PCLO: variants seen among roughly 807,000 people sequenced by gnomAD.
The protein encoded by PCLO is piccolo presynaptic cytomatrix protein.
Under a neutral mutation model 427.5 loss-of-function variants are expected in PCLO, and 82 were observed. That is an observed-to-expected ratio of 0.19 (90% CI 0.16 to 0.23). The LOEUF (loss-of-function observed/expected upper bound fraction) is 0.23. PCLO is among the 10% of genes least tolerant of loss of function. The probability of loss-of-function intolerance (pLI) is 1.00; values close to 1 mark genes in which losing one functional copy is unlikely to be tolerated. For missense variants in PCLO, 6,239 were observed against 6,115.9 expected, an observed-to-expected ratio of 1.02 and a Z score of -0.67; for synonymous variants, 2,357 against 2,155.4, an observed-to-expected ratio of 1.09 and a Z score of -2.59.
intron 3 of PCLO, among the ~76,000 whole-genome samples, chr7:83,050,227 A>AAAAAAAAAAAAAAAAAAAAAAC (rs71074611): frequency 3.5e-5 from 3 of 85,646 alleles, no homozygotes; most frequent in Non-Finnish European, 8.0e-5. Flanking sequence ...AAAAAAAAAA[A>AAAAAAAAAAAAAAAAAAAAAAC]AAAAAAAAAA....
intron 3 of PCLO, among the ~76,000 whole-genome samples, chr7:82,981,565 G>T (rs1224248500): frequency 6.6e-6 from 1 of 152,028 alleles, no homozygotes; most frequent in Non-Finnish European, 1.5e-5. Context: ...ATGGAACTGA[G>T]TACTCTAAAA....
At chr7:82,910,995 T>A (rs765360424) in intron 7 of PCLO, among the ~76,000 whole-genome samples, 1 of 152,138 alleles carries the variant, frequency 6.6e-6, no homozygotes, top group Non-Finnish European at 1.5e-5. Flanking sequence ...TAAATTAATA[T>A]CCTTTATGAT....
At chr7:82,896,050 C>T (rs1793896316) in intron 9 of PCLO, among the ~76,000 whole-genome samples, 1 of 151,760 alleles carries the variant, frequency 6.6e-6, no homozygotes, top group Non-Finnish European at 1.5e-5. Context: ...AATTACTTAA[C>T]AAAGCAAAGT....
At chr7:82,963,760 CAA>C (rs1258070648) in intron 4 of PCLO, among the ~76,000 whole-genome samples, 1 of 151,918 alleles carries the variant, frequency 6.6e-6, no homozygotes, top group Non-Finnish European at 1.5e-5. Context: ...AATATAATAA[CAA>C]TGGTAATTTT....
rs371323610 is a variant in PCLO, at chr7:83,107,435, A to G, written c.3300+26815T>C. On this transcript the variant is annotated intron_variant, in intron 3 of 24. Coordinates refer to ENST00000333891, the MANE Select transcript of PCLO (RefSeq NM_033026.6). ...AATAACATTTGCTTTCTTAGGCCTT[A>G]GCTGAGATTTAAATATGACTTAAGT... is the stretch of plus-strand genomic sequence containing the variant. Among the ~76,000 whole-genome samples, 6 of 152,220 alleles carry G rather than the reference A, an allele frequency of 3.9e-5. No individual in the cohort carries two copies. The East Asian group carries it at 7.7e-4, about 20-fold the overall frequency.
chr7:83,120,094 G>A (rs770177802), intron 3 of PCLO, among the ~76,000 whole-genome samples: 4 of 151,876 alleles, frequency 2.6e-5, no homozygotes, highest in Non-Finnish European at 5.9e-5. Context: ...GATAAGAGAC[G>A]ATCAGAATAG....
At chr7:82,799,676 G>A (rs918836400) in intron 22 of PCLO, among the ~76,000 whole-genome samples, 7 of 152,150 alleles carry the variant, frequency 4.6e-5, no homozygotes, top group Non-Finnish European at 1.0e-4. Context: ...CACTGGCAGA[G>A]ATTGGAGAAT....
At chr7:82,994,570 ATTATT>A (rs943400348) in intron 3 of PCLO, among the ~76,000 whole-genome samples, 24 of 151,146 alleles carry the variant, frequency 1.6e-4, no homozygotes, top group Non-Finnish European at 3.2e-4. Flanking sequence ...TGATCAGATA[ATTATT>A]TTATTTTTTA....
chr7:82,797,267 A>G (rs553161071), intron 22 of PCLO, among the ~76,000 whole-genome samples: 1 of 152,268 alleles, frequency 6.6e-6, no homozygotes, highest in African/African-American at 2.4e-5. Context: ...GAAAGTTGTG[A>G]TTGTAATACT....
chr7:83,114,881 G>GTT (rs1320603305), intron 3 of PCLO, among the ~76,000 whole-genome samples: 1 of 151,978 alleles, frequency 6.6e-6, no homozygotes, highest in Non-Finnish European at 1.5e-5. Context: ...TGGCTCAGCT[G>GTT]ACACTATTCA....
At chr7:83,032,500 T>G (rs576416998) in intron 3 of PCLO, among the ~76,000 whole-genome samples, 1 of 143,512 alleles carries the variant, frequency 7.0e-6, no homozygotes, top group East Asian at 2.4e-4. Flanking sequence ...CTTGCTTCAC[T>G]TCCTTCCTTC....
chr7:82,974,473 C>A (rs1295344431), intron 3 of PCLO, among the ~76,000 whole-genome samples: 1 of 152,132 alleles, frequency 6.6e-6, no homozygotes, highest in Admixed American at 6.5e-5. Flanking sequence ...TCACTGGTAA[C>A]CAATGATGCG....
At chr7:83,133,087 A>T (rs1261330720) in intron 3 of PCLO, among the ~76,000 whole-genome samples, 1 of 152,018 alleles carries the variant, frequency 6.6e-6, no homozygotes, top group East Asian at 1.9e-4. Flanking sequence ...TAGCAACAAC[A>T]TTTTCATACA....
At chr7:82,820,725 C>T (rs1475989626) in intron 20 of PCLO, 7 of 1,231,226 alleles carry the variant, frequency 5.7e-6, no homozygotes, top group Non-Finnish European at 7.1e-6. Flanking sequence ...GCAAAAAACA[C>T]TGATCCACAT....
At chr7:82,991,757 T>C (rs751805594) in intron 3 of PCLO, among the ~76,000 whole-genome samples, 2 of 152,164 alleles carry the variant, frequency 1.3e-5, no homozygotes, top group Non-Finnish European at 2.9e-5. Flanking sequence ...ATCATGTTGC[T>C]ATGGAACAAC....
At chr7:82,940,223 A>G (rs1211873145) in intron 6 of PCLO, among the ~76,000 whole-genome samples, 2 of 152,178 alleles carry the variant, frequency 1.3e-5, no homozygotes, top group Non-Finnish European at 1.5e-5. Context: ...CAAGTGACCT[A>G]TTGAAATGAC....
chr7:82,827,716 C>T (rs1160605742), intron 17 of PCLO, among the ~76,000 whole-genome samples, 157 bp downstream of exon 17: 1 of 152,014 alleles, frequency 6.6e-6, no homozygotes, highest in Non-Finnish European at 1.5e-5. Flanking sequence ...TTAAATGTCA[C>T]TCATTTTTTT....
Position 82,950,596 on chromosome 7 carries a change from G to A in PCLO, c.9992C>T (p.Thr3331Ile). ...DPSGTASPQT[T>I]TEQAILEGQY... ...ACCTTCCAAAATTGCCTGCTCTGTAGTGGTTTGTGGAGAAGCAGTTCCAGA... is the reference window on the plus strand; with the variant it reads ...ACCTTCCAAAATTGCCTGCTCTGTAATGGTTTGTGGAGAAGCAGTTCCAGA... Residue 3331 changes from threonine to isoleucine, a missense_variant, in exon 6 of 25, where the codon ACT becomes ATT. Physicochemically the swap from Thr to Ile is moderately conservative, Grantham distance 89 (BLOSUM62 -1). Transcript: ENST00000333891. 6.2e-7 allele frequency: 1 copy of A among 1,613,896 alleles called. No homozygotes were observed.
intron 3 of PCLO, among the ~76,000 whole-genome samples, chr7:83,000,268 TGAGAGAGAGAGAGA>T (rs145445022): frequency 6.7e-4 from 36 of 54,124 alleles, no homozygotes; most frequent in Admixed American, 2.9e-3. Flanking sequence ...TTCAAAGTGT[TGAGAGAGAGAGAGA>T]GAGAGAGAGA....
Sources: allele counts gnomAD v4.1 joint callset (sites outside exome capture counted in the v4.1 genomes callset), GRCh38; gene constraint gnomAD v4.1.1; transcripts MANE v1.5; gene names NCBI Gene and HGNC (gene_info 2026-07-23, HGNC 2026-07-21).